DSCAML1: variants seen among roughly 807,000 people sequenced by gnomAD.
DSCAML1 encodes the protein cell adhesion molecule DSCAML1.
DSCAML1 carries 38 observed loss-of-function variants against 200.5 expected under a neutral mutation model. That is an observed-to-expected ratio of 0.19 (90% CI 0.15 to 0.25). The LOEUF (loss-of-function observed/expected upper bound fraction) is 0.25. DSCAML1 is among the 10% of genes least tolerant of loss of function. The probability of loss-of-function intolerance (pLI) is 1.00; values close to 1 mark genes in which losing one functional copy is unlikely to be tolerated. For synonymous variants in DSCAML1, 1,215 were observed against 1,165.0 expected, an observed-to-expected ratio of 1.04 and a Z score of -0.87; for missense variants, 2,223 against 2,858.8, an observed-to-expected ratio of 0.78 and a Z score of 5.07.
intron 3 of DSCAML1, among the ~76,000 whole-genome samples, chr11:117,673,391 C>A (rs972190012): frequency 6.6e-6 from 1 of 152,140 alleles, no homozygotes; most frequent in East Asian, 1.9e-4. Flanking sequence ...AGTCAGCTCC[C>A]CAAGCAGGGA....
intron 3 of DSCAML1, among the ~76,000 whole-genome samples, chr11:117,688,903 A>G (rs1347343766): frequency 6.6e-6 from 1 of 151,762 alleles, no homozygotes; most frequent in Admixed American, 6.6e-5. Context: ...CAACCTCCAT[A>G]CTCTCCATGG....
In DSCAML1 at chr11:117,515,610, C is replaced by CTTTTTTTTTTTTTTTTTT. The variant is rs56765238; in HGVS notation, c.1783+839_1783+856dup. ...TGTCAAGGGCCCAGGAGGGACGAAG[C>CTTTTTTTTTTTTTTTTTT]TTTTTTTTTTTTTTTTTTTTTTTTT... is the stretch of plus-strand genomic sequence containing the variant. On this transcript the variant is annotated intron_variant, in intron 8 of 32. Transcript: ENST00000651296. Among the ~76,000 whole-genome samples the CTTTTTTTTTTTTTTTTTT allele has an allele frequency of 1.1e-3, 69 of 65,132 alleles. 11 individuals are homozygous for CTTTTTTTTTTTTTTTTTT. The highest frequency in any genetic ancestry group is 1.5e-3 in the Non-Finnish European group (55 of 37,606). 42.7% of individuals were successfully genotyped at this position (65,132 alleles called of 152,430 possible).
intron 8 of DSCAML1, among the ~76,000 whole-genome samples, chr11:117,511,906 C>T (rs147265787): frequency 5.2e-5 from 8 of 152,388 alleles, no homozygotes; most frequent in East Asian, 1.9e-4. Flanking sequence ...AGGGTGCACA[C>T]GCACGAGTGC....
At chr11:117,606,269 A>G (rs1006145848) in intron 3 of DSCAML1, among the ~76,000 whole-genome samples, 2 of 152,116 alleles carry the variant, frequency 1.3e-5, no homozygotes, top group Admixed American at 1.3e-4. Flanking sequence ...AGGGATTAGG[A>G]ATGCATTCTC....
chr11:117,487,831 G>A (rs1025635700), intron 11 of DSCAML1, among the ~76,000 whole-genome samples: 1 of 152,180 alleles, frequency 6.6e-6, no homozygotes, highest in Admixed American at 6.5e-5. Context: ...AAGAAGGAAT[G>A]TTCTAGTATT....
chr11:117,575,478 C>A (rs941071646), intron 3 of DSCAML1, among the ~76,000 whole-genome samples: 11 of 152,202 alleles, frequency 7.2e-5, no homozygotes, highest in Non-Finnish European at 5.9e-5. Flanking sequence ...CTTGAGGCTT[C>A]TGATTCAGTA....
intron 3 of DSCAML1, among the ~76,000 whole-genome samples, chr11:117,646,627 A>G (rs2052527256): frequency 6.6e-6 from 1 of 152,164 alleles, no homozygotes; most frequent in East Asian, 1.9e-4. Flanking sequence ...CAGACAGCCA[A>G]CTGTGCATTT....
chr11:117,801,918 A>G (rs2055662815), upstream of DSCAML1: 2 of 152,180 alleles, frequency 1.3e-5, no homozygotes, highest in Admixed American at 1.3e-4. Context: ...CTCAGCTCAC[A>G]ACTCTGAAAT....
chr11:117,692,340 A>C (rs1421743153), intron 3 of DSCAML1, among the ~76,000 whole-genome samples: 1 of 151,802 alleles, frequency 6.6e-6, no homozygotes, highest in Non-Finnish European at 1.5e-5. Flanking sequence ...CTCCACCCCC[A>C]CAGTCTCACT....
chr11:117,450,634 A>G lies in DSCAML1; in HGVS notation c.3623T>C (p.Val1208Ala). ...KAVPSSASSV[V>A]VSWLPPTKPN... ...CTTGGTAGGGGGGAGCCAAGACACA[A>G]CCACACTGCTAGCTGATGAAGGGAC... Residue 1208 changes from valine to alanine, a missense_variant, in exon 20 of 33, where the codon GTT becomes GCT. Physicochemically the swap from Val to Ala is moderately conservative, Grantham distance 64 (BLOSUM62 0). Around this residue, in one of 7 missense-constraint regions of DSCAML1, gnomAD observed 438 missense variants for 629.7 expected, o/e 0.70. Coordinates refer to ENST00000651296, the MANE Select transcript of DSCAML1 (RefSeq NM_020693.4). 6.2e-7 allele frequency: 1 copy of G among 1,614,230 alleles called. No homozygotes were observed. Among genetic ancestry groups the G allele is most frequent in the Non-Finnish European group, 8.5e-7 (1 of 1,180,032 alleles).
chr11:117,626,708 G>A lies in DSCAML1; in HGVS notation c.512-94186C>T, dbSNP rs1269842504. ...GCTTATTTTCCCATCATCATTGCAG[G>A]CACCCACTGTCCCTATGTCTCCAGA... On this transcript the variant is annotated intron_variant, in intron 3 of 32. Coordinates refer to ENST00000651296, the MANE Select transcript of DSCAML1 (RefSeq NM_020693.4). 2.0e-5 allele frequency among the ~76,000 whole-genome samples: 3 copies of A among 152,222 alleles called. No individual in the cohort carries two copies. In the East Asian group the frequency reaches 5.8e-4, roughly 29 times the overall value.
At chr11:117,508,589 ACCTTGGTC>A (rs372568163) in intron 8 of DSCAML1, among the ~76,000 whole-genome samples, 335 of 151,960 alleles carry the variant, frequency 2.2e-3, no homozygotes, top group African/African-American at 7.0e-3. Flanking sequence ...GGGTTCTGGA[ACCTTGGTC>A]CCTTGGTCCC....
At chr11:117,757,677 A>G (rs1260787470) in intron 3 of DSCAML1, among the ~76,000 whole-genome samples, 1 of 151,940 alleles carries the variant, frequency 6.6e-6, no homozygotes, top group Admixed American at 6.6e-5. Flanking sequence ...TTAAAAATGC[A>G]TTAAAAATAT....
chr11:117,505,379 G>C lies in DSCAML1; in HGVS notation c.2062+75C>G. 6.4e-7 allele frequency: 1 copy of C among 1,553,454 alleles called. No individual in the cohort carries two copies. On this transcript the variant is annotated intron_variant, in intron 9 of 32. Coordinates refer to ENST00000651296, the MANE Select transcript of DSCAML1 (RefSeq NM_020693.4). This position sits in a 1 kb window ranked among gnomAD's most constrained non-coding sequence, Gnocchi z 6.7. Reference sequence around the variant, plus strand: ...CTTCCATGAGCCCGTGATTGGAACTGGAAATCTAGAGACTGCAGTAGCAGC... The same window carrying C: ...CTTCCATGAGCCCGTGATTGGAACTCGAAATCTAGAGACTGCAGTAGCAGC...
At chr11:117,545,232 AAAAC>A (rs889554741) in intron 3 of DSCAML1, among the ~76,000 whole-genome samples, 4 of 149,214 alleles carry the variant, frequency 2.7e-5, no homozygotes, top group Non-Finnish European at 4.4e-5. Flanking sequence ...TCCGTAAAAA[AAAAC>A]ACACACACAC....
At chr11:117,787,673 A>G (rs2055383479) in intron 1 of DSCAML1, among the ~76,000 whole-genome samples, 1 of 152,180 alleles carries the variant, frequency 6.6e-6, no homozygotes, top group Non-Finnish European at 1.5e-5. Flanking sequence ...TTGGCTGACA[A>G]GACCCTACCA....
intron 11 of DSCAML1, among the ~76,000 whole-genome samples, chr11:117,499,985 T>C (rs989202963): frequency 6.6e-6 from 1 of 152,220 alleles, no homozygotes; most frequent in Non-Finnish European, 1.5e-5. Flanking sequence ...AAAGAAAACA[T>C]TTAGCTTCCA....
Position 117,527,580 on chromosome 11 carries a change from G to A in DSCAML1, c.659-2497C>T, listed in dbSNP as rs1053588548. ...TGGCTTAGGGAGCTTGAGGCACAAA[G>A]AGATGAGGATGCTGAGACCAGCGAC... On this transcript the variant is annotated intron_variant, in intron 4 of 32. Coordinates refer to ENST00000651296, the MANE Select transcript of DSCAML1 (RefSeq NM_020693.4). Among the ~76,000 whole-genome samples, 19 of 152,216 alleles carry A rather than the reference G, an allele frequency of 1.2e-4. No individual in the cohort carries two copies. The East Asian group carries it at 3.5e-3, about 28-fold the overall frequency.
intron 4 of DSCAML1, among the ~76,000 whole-genome samples, chr11:117,530,261 G>A (rs780077433): frequency 5.3e-5 from 8 of 152,110 alleles, no homozygotes; most frequent in Non-Finnish European, 1.2e-4. Flanking sequence ...CTTGCCTAGT[G>A]CCCCCAAAAG....
Sources: allele counts gnomAD v4.1 joint callset (sites outside exome capture counted in the v4.1 genomes callset), GRCh38; gene constraint gnomAD v4.1.1; regional missense constraint gnomAD v4.1.1; non-coding constraint Gnocchi (gnomAD v3.1); transcripts MANE v1.5; gene names NCBI Gene and HGNC (gene_info 2026-07-23, HGNC 2026-07-21).